The following POLR2M variants were observed in gnomAD, a reference collection of about 807,000 sequenced individuals.
The protein encoded by POLR2M is RNA polymerase II subunit M.
Under a neutral mutation model 34.6 loss-of-function variants are expected in POLR2M, and 30 were observed. The observed-to-expected ratio is 0.87, with a 90% CI of 0.65 to 1.18. The LOEUF (loss-of-function observed/expected upper bound fraction) is 1.18, where lower values mean the gene tolerates loss of function less well. POLR2M is among the 50% of genes most tolerant of loss of function. The probability of loss-of-function intolerance (pLI) is 0.00; values close to 1 mark genes in which losing one functional copy is unlikely to be tolerated. For synonymous variants in POLR2M, 150 were observed against 166.7 expected (o/e 0.90, Z 0.77); for missense variants, 432 against 448.7 (o/e 0.96, Z 0.34).
intron 1 of POLR2M, among the ~76,000 whole-genome samples, 175 bp from the exon 2 acceptor site, chr15:57,708,539 A>G (rs767667098): frequency 1.1e-4 from 16 of 152,134 alleles, no homozygotes; most frequent in South Asian, 2.1e-4. Flanking sequence ...TTTTTGGGCT[A>G]TTTGGATAAT....
Position 57,706,739 on chromosome 15 carries a change from C to A in POLR2M, c.-104C>A. On this transcript the variant is annotated 5_prime_UTR_variant, in exon 1 of 4. Transcript: ENST00000299638. ...GTTCTTCCGGGAAAATGGCGACTCCCGCTCGTGCCCCGGAGTCACCGCCGT... is the reference window on the plus strand; with the variant it reads ...GTTCTTCCGGGAAAATGGCGACTCCAGCTCGTGCCCCGGAGTCACCGCCGT... 7.6e-7 allele frequency: 1 copy of A among 1,314,602 alleles called. No homozygotes were observed. Among genetic ancestry groups the A allele is most frequent in the Non-Finnish European group, 1.0e-6 (1 of 963,062 alleles). 81.4% of individuals were successfully genotyped at this position (1,314,602 alleles called of 1,614,324 possible).
chr15:57,713,902 C>T (rs1048258479), intron 3 of POLR2M, among the ~76,000 whole-genome samples: 4 of 135,990 alleles, frequency 2.9e-5, no homozygotes, highest in Non-Finnish European at 4.6e-5. Context: ...AGTTCAGTGG[C>T]GCAGTCTCAG....
At chr15:57,709,461 C>T in intron 2 of POLR2M, 103 bp downstream of exon 2, 2 of 1,381,390 alleles carry the variant, frequency 1.4e-6, no homozygotes, top group Non-Finnish European at 9.9e-7. Flanking sequence ...TAGTCCCAGG[C>T]TACTCAGGAG....
intron 2 of POLR2M, among the ~76,000 whole-genome samples, chr15:57,709,941 T>C (rs2040644783): frequency 6.6e-6 from 1 of 152,232 alleles, no homozygotes; most frequent in South Asian, 2.1e-4. Context: ...GCTCACTGTA[T>C]GTAAGCAAGC....
At chr15:57,707,141 G>C (rs541437398) in intron 1 of POLR2M, 186 bp downstream of exon 1, 79 of 1,532,712 alleles carry the variant, frequency 5.2e-5, no homozygotes, top group African/African-American at 4.5e-4. Context: ...TTCCTGGCCA[G>C]GCACGTATGC....
At chr15:57,707,339 T>C in intron 1 of POLR2M, 1 of 720,456 alleles carries the variant, frequency 1.4e-6, no homozygotes, top group Non-Finnish European at 2.4e-6. Context: ...ACAGGAACCG[T>C]AGGAAATGGG....
In POLR2M at chr15:57,714,833, A is replaced by G. The variant is rs1388576557; in HGVS notation, c.*154A>G. 7.8e-7 allele frequency: 1 copy of G among 1,278,904 alleles called. No individual in the cohort carries two copies. Among genetic ancestry groups the G allele is most frequent in the African/African-American group, 1.5e-5 (1 of 65,794 alleles). 79.2% of individuals were successfully genotyped at this position (1,278,904 alleles called of 1,614,324 possible). ...AAAAAAGCCCAGTTTGTCTTTCAGAAGGTGACTTTCATGTGCTTGAAAAGT... is the reference window on the plus strand; with the variant it reads ...AAAAAAGCCCAGTTTGTCTTTCAGAGGGTGACTTTCATGTGCTTGAAAAGT... On this transcript the variant is annotated 3_prime_UTR_variant, in exon 4 of 4. Transcript: ENST00000299638.
At chr15:57,711,907 GC>G in intron 2 of POLR2M, 76 bp from the exon 3 acceptor site, 1 of 1,527,496 alleles carries the variant, frequency 6.5e-7, no homozygotes, top group African/African-American at 1.4e-5. Flanking sequence ...TAAGGTAAAG[GC>G]CATTTGTGTG....
At chr15:57,708,299 A>G (rs1452582583) in intron 1 of POLR2M, among the ~76,000 whole-genome samples, 1 of 152,228 alleles carries the variant, frequency 6.6e-6, no homozygotes, top group Non-Finnish European at 1.5e-5. Flanking sequence ...TACCCATGCG[A>G]GAAAATGAGA....
chr15:57,716,033 G>C lies in POLR2M; in HGVS notation c.*1354G>C, dbSNP rs2040928065. 3 of 152,426 alleles carry C rather than the reference G, an allele frequency of 2.0e-5. No individual in the cohort carries two copies. In the South Asian group the frequency reaches 6.2e-4, roughly 32 times the overall value. The allele number at this position is 152,426 out of a possible 1,614,324, so 9.4% of individuals were successfully genotyped here. On this transcript the variant is annotated 3_prime_UTR_variant, in exon 4 of 4. Coordinates refer to ENST00000299638, the MANE Select transcript of POLR2M (RefSeq NM_015532.5). ...AATTTGATGTTATTTCTGGAAGCTGGATGATATGGAAGAGTTCATGTGCCT... is the reference window on the plus strand; with the variant it reads ...AATTTGATGTTATTTCTGGAAGCTGCATGATATGGAAGAGTTCATGTGCCT...
intron 3 of POLR2M, among the ~76,000 whole-genome samples, chr15:57,712,427 C>G (rs550380849): frequency 1.3e-5 from 2 of 152,258 alleles, no homozygotes; most frequent in Admixed American, 1.3e-4. Flanking sequence ...TGTGGGGAGA[C>G]TTGTAGAATT....
At position 57,716,298 on chromosome 15, in the gene POLR2M, A is replaced by T. The variant is rs1224426172; in HGVS notation, c.*1619A>T. The T allele has an allele frequency of 6.6e-6, 1 of 152,234 alleles. No individual in the cohort carries two copies. The highest frequency in any genetic ancestry group is 1.5e-5 in the Non-Finnish European group (1 of 68,040). 9.4% of individuals were successfully genotyped at this position (152,234 alleles called of 1,614,324 possible). On this transcript the variant is annotated 3_prime_UTR_variant, in exon 4 of 4. Coordinates refer to ENST00000299638, the MANE Select transcript of POLR2M (RefSeq NM_015532.5). ...TTCATGGGTATACCATAACTTTAAGATTTATTTCCTATTCAGCAATTTGAT... is the reference window on the plus strand; with the variant it reads ...TTCATGGGTATACCATAACTTTAAGTTTTATTTCCTATTCAGCAATTTGAT...
In POLR2M at chr15:57,708,720, C is replaced by T; in HGVS notation, c.120C>T (p.Phe40=). ...ATTCTTTTCCATTTGACAGAAAATT[C>T]ATTTGCAAATTGCCCGACAAAGGTA... is the stretch of plus-strand genomic sequence containing the variant. ...RQERLLRNEK[F]ICKLPDKGKK... is the part of the protein sequence containing the mutation. The change falls in exon 2 of 4, where the codon TTC becomes TTT. Residue 40 remains phenylalanine, a synonymous_variant. Coordinates refer to ENST00000299638, the MANE Select transcript of POLR2M (RefSeq NM_015532.5). 3 of 1,576,104 alleles carry T rather than the reference C, an allele frequency of 1.9e-6. No homozygotes were observed. The highest frequency in any genetic ancestry group is 2.7e-5 in the African/African-American group (2 of 73,216).
At position 57,708,762 on chromosome 15, in the gene POLR2M, T is replaced by G. The variant is rs780679832; in HGVS notation, c.162T>G (p.Ser54=). 2.5e-6 allele frequency: 4 copies of G among 1,606,382 alleles called. No homozygotes were observed. The Admixed American group carries it at 5.2e-5, about 21-fold the overall frequency. Residue 54 remains serine (S), a synonymous_variant, in exon 2 of 4, where the codon TCT becomes TCG. Transcript: ENST00000299638. ...LPDKGKKIFD[S]FAKLKAAIAE... ...ACAAAGGTAAAAAGATCTTTGACTC[T>G]TTTGCCAAACTGAAAGCTGCCATTG...
At chr15:57,707,023 C>G (rs1218972253) in intron 1 of POLR2M, 68 bp downstream of exon 1, 4 of 1,551,750 alleles carry the variant, frequency 2.6e-6, no homozygotes, top group African/African-American at 2.7e-5. Flanking sequence ...GCTCCCCTCC[C>G]CTCCCGCACT....
chr15:57,709,265 C>A lies in POLR2M; in HGVS notation c.665C>A (p.Ser222Tyr). The A allele has an allele frequency of 1.9e-6, 3 of 1,614,188 alleles. No individual in the cohort carries two copies. Among genetic ancestry groups the A allele is most frequent in the Non-Finnish European group, 2.5e-6 (3 of 1,180,024 alleles). ...AGTACTAAGAACTTGACAGGCCTTTCCAGTGGGACTGAGAAGAAACCTCAT... is the reference window on the plus strand; with the variant it reads ...AGTACTAAGAACTTGACAGGCCTTTACAGTGGGACTGAGAAGAAACCTCAT... ...NASTKNLTGL[S>Y]SGTEKKPHYM... Residue 222 changes from serine to tyrosine, a missense_variant, in exon 2 of 4, where the codon TCC becomes TAC. Transcript: ENST00000299638.
Position 57,716,152 on chromosome 15 carries a change from AT to A in POLR2M, c.*1474del, listed in dbSNP as rs2040933697. 6.6e-6 allele frequency: 1 copy of A among 152,238 alleles called. No individual in the cohort carries two copies. The highest frequency in any genetic ancestry group is 2.1e-4 in the South Asian group (1 of 4,834). The allele number at this position is 152,238 out of a possible 1,614,324, so 9.4% of individuals were successfully genotyped here. A position where few individuals can be genotyped will look rare whatever the true frequency, so the allele number is the denominator to read the frequency against. Reference sequence around the variant, plus strand: ...TTTGCTTATTTTTCTATGCATAGTTATGCATTTATATTCTCAAAAATGAAAT... The same window carrying A: ...TTTGCTTATTTTTCTATGCATAGTTAGCATTTATATTCTCAAAAATGAAAT... On this transcript the variant is annotated 3_prime_UTR_variant, in exon 4 of 4. Transcript: ENST00000299638.
chr15:57,709,470 A>G (rs2040626862), intron 2 of POLR2M, 112 bp downstream of exon 2: 3 of 1,296,656 alleles, frequency 2.3e-6, no homozygotes, highest in Admixed American at 4.9e-5. Flanking sequence ...GCTACTCAGG[A>G]GGCTGAGGTG....
intron 2 of POLR2M, among the ~76,000 whole-genome samples, chr15:57,710,991 C>A (rs2733619): frequency 0.81 from 123,321 of 152,124 alleles, 50,820 homozygotes; most frequent in Non-Finnish European, 0.88. Context: ...TATCCCAGAT[C>A]TTCCCAGAAC....
Sources: gnomAD v4.1 joint callset for allele counts (sites outside exome capture counted in the v4.1 genomes callset) on GRCh38, gnomAD v4.1.1 for gene constraint, MANE v1.5 for transcripts, NCBI Gene and HGNC (gene_info 2026-07-23, HGNC 2026-07-21) for gene names.